Variants in ANKS1A observed in about 807,000 individuals in gnomAD.
ANKS1A encodes ankyrin repeat and SAM domain-containing protein 1A.
ANKS1A carries 55 observed loss-of-function variants against 120.3 expected under a neutral mutation model. The observed-to-expected ratio is 0.46, with a 90% CI of 0.37 to 0.57. The LOEUF is 0.57. Among genes scored for constraint, ANKS1A ranks in the 20% least tolerant of loss-of-function variants. The probability of loss-of-function intolerance (pLI) is 0.00; values close to 1 mark genes in which losing one functional copy is unlikely to be tolerated. For missense variants in ANKS1A, 1,123 were observed against 1,480.3 expected (o/e 0.76, Z 3.96); for synonymous variants, 590 against 604.7 (o/e 0.98, Z 0.36).
At chr6:35,023,125 G>T (rs1774429660) in intron 11 of ANKS1A, among the ~76,000 whole-genome samples, 1 of 152,144 alleles carries the variant, frequency 6.6e-6, no homozygotes, top group Non-Finnish European at 1.5e-5. Flanking sequence ...TCCTGGGAGG[G>T]ACCTTCTCCC....
chr6:34,917,346 T>C (rs1581690312), intron 1 of ANKS1A, among the ~76,000 whole-genome samples: 1 of 152,214 alleles, frequency 6.6e-6, no homozygotes, highest in Non-Finnish European at 1.5e-5. Context: ...AGAGGCAGCG[T>C]TGACTCAAGG....
intron 1 of ANKS1A, among the ~76,000 whole-genome samples, chr6:34,928,029 A>C (rs1026336710): frequency 2.0e-5 from 3 of 152,154 alleles, no homozygotes; most frequent in African/African-American, 7.2e-5. Context: ...CAGACCCCAC[A>C]TGCGGTACTG....
At position 35,009,902 on chromosome 6, in the gene ANKS1A, T is replaced by TAAAA. The variant is rs530605297; in HGVS notation, c.1424-7542_1424-7539dup. On this transcript the variant is annotated intron_variant, in intron 10 of 23. Transcript: ENST00000360359. Reference sequence around the variant, plus strand: ...TGGGTGACACGAGCAAGACTCTGTCTAAAAAAAAAAAAAAAAAAAAAAAAA... The same window carrying TAAAA: ...TGGGTGACACGAGCAAGACTCTGTCTAAAAAAAAAAAAAAAAAAAAAAAAAAAAA... 9.0e-4 allele frequency: 71 copies of TAAAA among 78,462 alleles called. 5 individuals carry two copies. Among genetic ancestry groups the TAAAA allele is most frequent in the East Asian group, 3.1e-3 (5 of 1,604 alleles). 4.9% of individuals were successfully genotyped at this position (78,462 alleles called of 1,614,324 possible).
chr6:35,077,272 C>G (rs533613934), intron 13 of ANKS1A, among the ~76,000 whole-genome samples: 1 of 152,086 alleles, frequency 6.6e-6, no homozygotes, highest in Admixed American at 6.5e-5. Flanking sequence ...GCACTGTGTG[C>G]AGTAGCTGAA....
At chr6:34,975,638 G>A (rs1191673579) in intron 3 of ANKS1A, among the ~76,000 whole-genome samples, 1 of 151,882 alleles carries the variant, frequency 6.6e-6, no homozygotes, top group East Asian at 1.9e-4. Flanking sequence ...AGTGGTACAT[G>A]CCTGTATCCC....
chr6:34,899,406 G>A (rs772666905), intron 1 of ANKS1A, among the ~76,000 whole-genome samples: 197 of 152,152 alleles, frequency 1.3e-3, no homozygotes, highest in Non-Finnish European at 1.3e-3. Flanking sequence ...CAGCACTTTG[G>A]GAGGCTGAGG....
chr6:34,994,170 GAA>G (rs1772722210), intron 9 of ANKS1A, 130 bp from the exon 10 acceptor site: 1 of 1,213,682 alleles, frequency 8.2e-7, no homozygotes, highest in Admixed American at 2.4e-5. Flanking sequence ...TGTGACACTT[GAA>G]TTATTCACCT....
At position 35,085,949 on chromosome 6, in the gene ANKS1A, C is replaced by T. The variant is rs1777951296; in HGVS notation, c.3303+13C>T. On this transcript the variant is annotated intron_variant, in intron 22 of 23. Transcript: ENST00000360359. This position sits in a 1 kb window ranked among gnomAD's most constrained non-coding sequence, Gnocchi z 4.7. Reference sequence around the variant, plus strand: ...GAGGAAATCCGCAGTACGTGGGCCCCACTGGCCAAGATCCCCCTCTCCCTG... The same window carrying T: ...GAGGAAATCCGCAGTACGTGGGCCCTACTGGCCAAGATCCCCCTCTCCCTG... 6.9e-6 allele frequency: 11 copies of T among 1,586,608 alleles called. No homozygotes were observed. Among genetic ancestry groups the T allele is most frequent in the Non-Finnish European group, 8.6e-6 (10 of 1,168,514 alleles).
intron 10 of ANKS1A, among the ~76,000 whole-genome samples, chr6:35,000,017 A>T (rs989420130): frequency 1.3e-5 from 2 of 152,214 alleles, no homozygotes; most frequent in Non-Finnish European, 2.9e-5. Context: ...TTAAGAAAAA[A>T]ACAGTATACC....
chr6:35,097,638 A>AT, the ANKS1A span, among the ~76,000 whole-genome samples: 1 of 30,940 alleles, frequency 3.2e-5, no homozygotes. Context: ...AAGCCAAAAG[A>AT]AAAAAAAAAA....
In ANKS1A at chr6:35,050,175, C is replaced by T. The variant is rs1253947112; in HGVS notation, c.2011-3924C>T. On this transcript the variant is annotated intron_variant, in intron 11 of 23. Coordinates refer to ENST00000360359, the MANE Select transcript of ANKS1A (RefSeq NM_015245.3). This position sits in a 1 kb window ranked among gnomAD's most constrained non-coding sequence, Gnocchi z 4.3. Reference sequence around the variant, plus strand: ...CTTGTTTTCAGCCATATGGGGAATACATTTTACACAGCCCTGGCAGGGAAA... The same window carrying T: ...CTTGTTTTCAGCCATATGGGGAATATATTTTACACAGCCCTGGCAGGGAAA... 6.6e-6 allele frequency among the ~76,000 whole-genome samples: 1 copy of T among 152,162 alleles called. No homozygotes were observed. The highest frequency in any genetic ancestry group is 2.4e-5 in the African/African-American group (1 of 41,438).
At chr6:35,061,149 G>A (rs1776477226) in intron 13 of ANKS1A, among the ~76,000 whole-genome samples, 1 of 152,212 alleles carries the variant, frequency 6.6e-6, no homozygotes. Context: ...TTAATCCATT[G>A]CCCAGATGAA....
chr6:35,005,356 T>A (rs1372504817), intron 10 of ANKS1A, among the ~76,000 whole-genome samples: 1 of 152,224 alleles, frequency 6.6e-6, no homozygotes, highest in African/African-American at 2.4e-5. Flanking sequence ...TGTTATATGT[T>A]TAGTCTATGA....
chr6:35,041,199 T>C (rs901349485), intron 11 of ANKS1A, among the ~76,000 whole-genome samples: 1 of 152,204 alleles, frequency 6.6e-6, no homozygotes, highest in African/African-American at 2.4e-5. Context: ...CTAGATATTG[T>C]CTTGAGGTTG....
chr6:34,959,870 C>G (rs960854277), intron 1 of ANKS1A, among the ~76,000 whole-genome samples: 2 of 152,212 alleles, frequency 1.3e-5, no homozygotes, highest in Non-Finnish European at 2.9e-5. Context: ...GACTTAGTTT[C>G]TGATCACCTC....
intron 11 of ANKS1A, among the ~76,000 whole-genome samples, chr6:35,032,689 A>G (rs1774968390): frequency 6.6e-6 from 1 of 152,140 alleles, no homozygotes; most frequent in Non-Finnish European, 1.5e-5. Context: ...GGGAGATATA[A>G]TAATTAAGCC....
intron 1 of ANKS1A, among the ~76,000 whole-genome samples, chr6:34,920,378 G>T (rs1419872653): frequency 6.6e-6 from 1 of 151,656 alleles, no homozygotes; most frequent in East Asian, 1.9e-4. Flanking sequence ...ACCATGCCAG[G>T]CTAATTTTTA....
chr6:34,981,984 C>A lies in ANKS1A; in HGVS notation c.730C>A (p.Gln244Lys). The A allele has an allele frequency of 6.2e-7, 1 of 1,613,614 alleles. No homozygotes were observed. Among genetic ancestry groups the A allele is most frequent in the Non-Finnish European group, 8.5e-7 (1 of 1,179,612 alleles). ...CGATGCTGGCATGGACAGCAACTAC[C>A]AGGTAGCAGGGCGGGTGGGGGCTCC... ...LLDAGMDSNY[Q>K]TEMGSALHEA... The change falls in exon 4 of 24, where the codon CAG (glutamine) becomes AAG (lysine). Residue 244 changes from glutamine (Q) to lysine (K), a missense_variant and splice_region_variant. By Grantham distance (53) the Gln-to-Lys change is moderately conservative. Around this residue, in one of 3 missense-constraint regions of ANKS1A, gnomAD observed 146 missense variants for 267.8 expected, o/e 0.55. Transcript: ENST00000360359.
intron 1 of ANKS1A, among the ~76,000 whole-genome samples, chr6:34,951,632 C>T (rs1770097817): frequency 6.6e-6 from 1 of 152,238 alleles, no homozygotes; most frequent in East Asian, 1.9e-4. Context: ...ACATTTATCC[C>T]TTTTAAGTGT....
Sources: allele counts gnomAD v4.1 joint callset (sites outside exome capture counted in the v4.1 genomes callset), GRCh38; gene constraint gnomAD v4.1.1; regional missense constraint gnomAD v4.1.1; non-coding constraint Gnocchi (gnomAD v3.1); transcripts MANE v1.5; gene names NCBI Gene and HGNC (gene_info 2026-07-23, HGNC 2026-07-21).